The following PMS1 variants were observed in gnomAD, a reference collection of about 807,000 sequenced individuals.
PMS1 encodes PMS1 protein homolog 1.
A neutral mutation model predicts 93.1 loss-of-function variants in PMS1; 79 were observed. That is an observed-to-expected ratio of 0.85 (90% confidence interval 0.71 to 1.02). The LOEUF is 1.02. Among genes scored for constraint, PMS1 ranks in the 50% least tolerant of loss-of-function variants. PMS1 has a pLI of 0.00. For missense variants in PMS1, 1,064 were observed against 1,085.3 expected, an observed-to-expected ratio of 0.98 and a Z score of 0.28; for synonymous variants, 335 against 363.4, an observed-to-expected ratio of 0.92 and a Z score of 0.89.
At chr2:189,859,575 AG>A (rs2055727502) in intron 9 of PMS1, among the ~76,000 whole-genome samples, 1 of 152,196 alleles carries the variant, frequency 6.6e-6, no homozygotes, top group Non-Finnish European at 1.5e-5. Flanking sequence ...TTTTAAGAAA[AG>A]GGGTGACATA....
intron 12 of PMS1, among the ~76,000 whole-genome samples, chr2:189,875,191 G>T (rs5743197): frequency 1.6e-3 from 240 of 150,464 alleles, no homozygotes; most frequent in African/African-American, 5.8e-3. Context: ...GTTCTGTATA[G>T]GGTAATAATT....
intron 3 of PMS1, among the ~76,000 whole-genome samples, chr2:189,796,591 C>G (rs1348401211): frequency 6.6e-6 from 1 of 152,110 alleles, no homozygotes; most frequent in Non-Finnish European, 1.5e-5. Flanking sequence ...TTAGACTATT[C>G]TAGGTATCAC....
At chr2:189,818,271 A>G in intron 5 of PMS1, 91 bp downstream of exon 5, 2 of 863,550 alleles carry the variant, frequency 2.3e-6, no homozygotes, top group Non-Finnish European at 3.7e-6. Flanking sequence ...GGCTATGACT[A>G]AATGTTTGTG....
chr2:189,831,547 C>T (rs2052932219), intron 5 of PMS1, among the ~76,000 whole-genome samples: 1 of 152,136 alleles, frequency 6.6e-6, no homozygotes, highest in Non-Finnish European at 1.5e-5. Context: ...AACTTATATG[C>T]CTAAGGAAAT....
chr2:189,802,603 G>T (rs2049989859), intron 3 of PMS1, among the ~76,000 whole-genome samples: 2 of 152,150 alleles, frequency 1.3e-5, no homozygotes, highest in African/African-American at 4.8e-5. Context: ...GTTTGTTTTT[G>T]TATCACCTCA....
At chr2:189,819,417 A>T (rs927614085) in intron 5 of PMS1, among the ~76,000 whole-genome samples, 43 of 152,312 alleles carry the variant, frequency 2.8e-4, no homozygotes, top group Middle Eastern at 6.8e-3. Flanking sequence ...TTACTTGGTC[A>T]AATAGTAGCT....
intron 6 of PMS1, among the ~76,000 whole-genome samples, chr2:189,847,193 C>T (rs2054328181): frequency 6.6e-6 from 1 of 152,024 alleles, no homozygotes; most frequent in Non-Finnish European, 1.5e-5. Context: ...GTCCTTTATC[C>T]TTACAAGGAT....
intron 2 of PMS1, among the ~76,000 whole-genome samples, chr2:189,794,362 G>C (rs1435027849): frequency 6.6e-6 from 1 of 152,146 alleles, no homozygotes. Context: ...TGATCTGCCT[G>C]CCTTGGCCTC....
At chr2:189,788,118 C>A (rs1340837129) in intron 1 of PMS1, among the ~76,000 whole-genome samples, 2 of 152,080 alleles carry the variant, frequency 1.3e-5, no homozygotes, top group Non-Finnish European at 2.9e-5. Flanking sequence ...GGAAACGAGA[C>A]AAAGATGATG....
At chr2:189,861,764 A>G (rs1025097074) in intron 9 of PMS1, among the ~76,000 whole-genome samples, 4 of 149,808 alleles carry the variant, frequency 2.7e-5, no homozygotes, top group African/African-American at 9.9e-5. Flanking sequence ...AAAAAAAAAG[A>G]TTTCACTGTC....
chr2:189,817,670 A>G (rs1198535182), intron 4 of PMS1, among the ~76,000 whole-genome samples: 1 of 152,208 alleles, frequency 6.6e-6, no homozygotes, highest in Non-Finnish European at 1.5e-5. Context: ...TCTCCTATAA[A>G]TTATATTTTA....
At chr2:189,822,690 C>T (rs370052100) in intron 5 of PMS1, among the ~76,000 whole-genome samples, 34 of 152,300 alleles carry the variant, frequency 2.2e-4, no homozygotes, top group African/African-American at 7.5e-4. Context: ...AGGAAAGCAG[C>T]TCGGCTAATT....
Position 189,809,447 on chromosome 2 carries a change from C to CTTTTTTTTTTTTTTTTTTTTTTTTTT in PMS1, c.418+3695_418+3720dup, listed in dbSNP as rs972672920. 1.4e-4 allele frequency among the ~76,000 whole-genome samples: 9 copies of CTTTTTTTTTTTTTTTTTTTTTTTTTT among 63,456 alleles called. 1 individual carries two copies. Among genetic ancestry groups the CTTTTTTTTTTTTTTTTTTTTTTTTTT allele is most frequent in the Non-Finnish European group, 2.3e-4 (7 of 30,766 alleles). 41.6% of individuals were successfully genotyped at this position (63,456 alleles called of 152,430 possible). ...TTGGTGCTTTTAAGGAAGCACATTT[C>CTTTTTTTTTTTTTTTTTTTTTTTTTT]TTTTTTTTTTTTTTTTTTTTTTTTT... On this transcript the variant is annotated intron_variant, in intron 4 of 12. Coordinates refer to ENST00000441310, the MANE Select transcript of PMS1 (RefSeq NM_000534.5).
Position 189,795,940 on chromosome 2 carries a change from T to A in PMS1, c.304T>A (p.Cys102Ser). Residue 102 changes from cysteine to serine, a missense_variant, in exon 3 of 13, where the codon TGT (cysteine) becomes AGT (serine). Transcript: ENST00000441310. ...TGGAGAAGCCTTGGGGTCAATTTGT[T>A]GTATAGCTGAGGTAAGGTAATTATA... Reference protein sequence around the residue: ...FRGEALGSICCIAEVLITTRT... With the variant: ...FRGEALGSICSIAEVLITTRT... 6.2e-7 allele frequency: 1 copy of A among 1,607,690 alleles called. No homozygotes were observed. Among genetic ancestry groups the A allele is most frequent in the Non-Finnish European group, 8.5e-7 (1 of 1,174,134 alleles).
At chr2:189,809,447 CTTTTTTTTTTTTT>C (rs972672920) in intron 4 of PMS1, among the ~76,000 whole-genome samples, 9 of 63,456 alleles carry the variant, frequency 1.4e-4, no homozygotes, top group Non-Finnish European at 2.3e-4. Context: ...AAGCACATTT[CTTTTTTTTTTTTT>C]TTTTTTTTTT....
intron 7 of PMS1, 147 bp from the exon 8 acceptor site, chr2:189,853,792 C>T (rs1465643186): frequency 5.6e-6 from 3 of 532,102 alleles, no homozygotes; most frequent in Non-Finnish European, 9.6e-6. Flanking sequence ...GCTGGGATCC[C>T]AGGCATGAGC....
chr2:189,849,026 A>G (rs1203110395), intron 6 of PMS1, among the ~76,000 whole-genome samples: 2 of 152,184 alleles, frequency 1.3e-5, no homozygotes, highest in Non-Finnish European at 2.9e-5. Flanking sequence ...GTCTGGGATG[A>G]CAGTGCTATT....
intron 9 of PMS1, 40 bp downstream of exon 9, chr2:189,855,168 T>G: frequency 6.5e-7 from 1 of 1,545,256 alleles, no homozygotes; most frequent in Non-Finnish European, 8.9e-7. Flanking sequence ...AATGTTCAGC[T>G]ATTTCCATTC....
intron 6 of PMS1, among the ~76,000 whole-genome samples, chr2:189,850,783 G>T (rs1413352522): frequency 6.6e-6 from 1 of 152,138 alleles, no homozygotes; most frequent in Non-Finnish European, 1.5e-5. Flanking sequence ...TGAGAGAATT[G>T]TGAGGGTGTC....
Sources: gnomAD v4.1 joint callset for allele counts (sites outside exome capture counted in the v4.1 genomes callset) on GRCh38, gnomAD v4.1.1 for gene constraint, MANE v1.5 for transcripts, NCBI Gene and HGNC (gene_info 2026-07-23, HGNC 2026-07-21) for gene names.